The following CLCN3 variants were observed in gnomAD, a reference collection of about 807,000 sequenced individuals.
CLCN3 encodes the protein Cl-/H+ antiporter 3.
CLCN3 carries 16 observed loss-of-function variants against 83.4 expected under a neutral mutation model. That is an observed-to-expected ratio of 0.19 (90% CI 0.13 to 0.29). The LOEUF (loss-of-function observed/expected upper bound fraction) is 0.29, where lower values mean the gene tolerates loss of function less well. CLCN3 is among the 10% of genes least tolerant of loss of function. The probability of loss-of-function intolerance (pLI) is 1.00; values close to 1 mark genes in which losing one functional copy is unlikely to be tolerated. For missense variants in CLCN3, 544 were observed against 1,006.0 expected, an observed-to-expected ratio of 0.54 and a Z score of 6.21; for synonymous variants, 322 against 346.2, an observed-to-expected ratio of 0.93 and a Z score of 0.78.
At chr4:169,676,927 C>T (rs1246558871) in intron 2 of CLCN3, among the ~76,000 whole-genome samples, 1 of 151,906 alleles carries the variant, frequency 6.6e-6, no homozygotes, top group Admixed American at 6.6e-5. Context: ...CATTGTGAAA[C>T]CATAGCCTAA....
intron 9 of CLCN3, among the ~76,000 whole-genome samples, chr4:169,698,850 A>G (rs1283422436): frequency 1.3e-5 from 2 of 152,132 alleles, no homozygotes; most frequent in East Asian, 3.9e-4. Flanking sequence ...TTTTCTGGCT[A>G]TTAAAAGCTG....
chr4:169,646,764 A>G (rs1560834023), intron 2 of CLCN3, among the ~76,000 whole-genome samples: 2 of 152,204 alleles, frequency 1.3e-5, no homozygotes, highest in African/African-American at 4.8e-5. Flanking sequence ...GGAAATAGGG[A>G]TAGAATAGAA....
Position 169,722,552 on chromosome 4 carries a change from A to C in CLCN3, c.*2555A>C, listed in dbSNP as rs1733673560. 6.6e-6 allele frequency: 1 copy of C among 152,236 alleles called. No homozygotes were observed. The highest frequency in any genetic ancestry group is 6.5e-5 in the Admixed American group (1 of 15,284). 9.4% of individuals were successfully genotyped at this position (152,236 alleles called of 1,614,324 possible). A position where few individuals can be genotyped will look rare whatever the true frequency, so the allele number is the denominator to read the frequency against. ...AATTGTCCTGAGTTAATAGCCTTCA[A>C]AGGACAAATCGGTTTCTTTGCAGAT... On this transcript the variant is annotated 3_prime_UTR_variant, in exon 13 of 13. Coordinates refer to ENST00000513761, the MANE Select transcript of CLCN3 (RefSeq NM_001829.4).
intron 2 of CLCN3, among the ~76,000 whole-genome samples, chr4:169,666,043 T>G (rs1444447804): frequency 6.6e-6 from 1 of 152,044 alleles, no homozygotes; most frequent in Non-Finnish European, 1.5e-5. Flanking sequence ...AAAATTATAT[T>G]TGTATTTTTG....
chr4:169,656,721 C>T (rs1730898300), intron 2 of CLCN3, among the ~76,000 whole-genome samples: 1 of 152,062 alleles, frequency 6.6e-6, no homozygotes, highest in African/African-American at 2.4e-5. Flanking sequence ...TGGCTTGGTG[C>T]AGTGGACAGT....
intron 2 of CLCN3, among the ~76,000 whole-genome samples, chr4:169,641,176 G>A (rs1258285382): frequency 6.6e-6 from 1 of 152,148 alleles, no homozygotes. Context: ...GATTGCTTGA[G>A]CCCAGGTATT....
intron 9 of CLCN3, among the ~76,000 whole-genome samples, chr4:169,699,164 A>G (rs1732683667): frequency 6.6e-6 from 1 of 152,224 alleles, no homozygotes; most frequent in Admixed American, 6.5e-5. Context: ...ATTCTGCCTC[A>G]TACCAGTATA....
chr4:169,713,455 CA>C (rs1401024201), intron 12 of CLCN3, among the ~76,000 whole-genome samples, 160 bp downstream of exon 12: 2 of 152,164 alleles, frequency 1.3e-5, no homozygotes, highest in Non-Finnish European at 2.9e-5. Context: ...TCAAATTTCA[CA>C]TTTACTAAGG....
intron 10 of CLCN3, among the ~76,000 whole-genome samples, chr4:169,705,443 T>G (rs988470862): frequency 6.6e-6 from 1 of 152,238 alleles, no homozygotes; most frequent in Non-Finnish European, 1.5e-5. Context: ...ATTTTTAGTT[T>G]GATGACTTTG....
At chr4:169,689,254 T>G in intron 5 of CLCN3, 24 bp downstream of exon 5, 1 of 1,582,680 alleles carries the variant, frequency 6.3e-7, no homozygotes, top group Non-Finnish European at 8.6e-7. Context: ...TGTCTCAAGA[T>G]GAATTAATAA....
At chr4:169,629,949 G>A (rs1303499305) in intron 1 of CLCN3, among the ~76,000 whole-genome samples, 4 of 152,042 alleles carry the variant, frequency 2.6e-5, no homozygotes, top group African/African-American at 7.2e-5. Context: ...CATTTTTAGT[G>A]GGGACAATAA....
At chr4:169,674,708 A>G (rs1366485623) in intron 2 of CLCN3, among the ~76,000 whole-genome samples, 2 of 152,052 alleles carry the variant, frequency 1.3e-5, no homozygotes, top group African/African-American at 4.8e-5. Flanking sequence ...AAAACACTGA[A>G]ATCAGTGTGC....
At chr4:169,693,955 T>C (rs1028019005) in intron 7 of CLCN3, among the ~76,000 whole-genome samples, 5 of 151,902 alleles carry the variant, frequency 3.3e-5, no homozygotes, top group Non-Finnish European at 5.9e-5. Context: ...GGGAGAGCGT[T>C]GATATTTTTA....
chr4:169,660,149 G>C, intron 2 of CLCN3: 3 of 1,120,124 alleles, frequency 2.7e-6, no homozygotes, highest in Non-Finnish European at 3.3e-6. Context: ...AGCCTTGCTA[G>C]ATTGTAGCCA....
At chr4:169,667,268 A>G (rs532079148) in intron 2 of CLCN3, among the ~76,000 whole-genome samples, 1 of 152,186 alleles carries the variant, frequency 6.6e-6, no homozygotes, top group South Asian at 2.1e-4. Flanking sequence ...CTCACTAGAA[A>G]AAATATTTCT....
rs1322046061 is a variant in CLCN3, at chr4:169,697,624, G to A, written c.1453G>A (p.Asp485Asn). 3.7e-6 allele frequency: 6 copies of A among 1,613,938 alleles called. No homozygotes were observed. The highest frequency in any genetic ancestry group is 5.1e-6 in the Non-Finnish European group (6 of 1,179,942). ...RNDMNASKIVDDIPDRPAGIG... is the reference protein window; with the variant it reads ...RNDMNASKIVNDIPDRPAGIG... Reference sequence around the variant, plus strand: ...TGACATGAATGCCAGTAAAATTGTCGATGACATTCCTGATCGTCCAGCAGG... The same window carrying A: ...TGACATGAATGCCAGTAAAATTGTCAATGACATTCCTGATCGTCCAGCAGG... Residue 485 changes from aspartate (D) to asparagine (N), a missense_variant, in exon 9 of 13, where the codon GAT becomes AAT. Physicochemically the swap from Asp to Asn is conservative, Grantham distance 23. This residue lies in a region of CLCN3 where 194 missense variants were observed against 341.4 expected (regional missense o/e 0.57). Transcript: ENST00000513761.
At chr4:169,676,514 T>G (rs1288333616) in intron 2 of CLCN3, among the ~76,000 whole-genome samples, 1 of 104,474 alleles carries the variant, frequency 9.6e-6, no homozygotes, top group African/African-American at 2.7e-5. Flanking sequence ...TTTCTTTTCT[T>G]TTTTTTTTTG....
At chr4:169,698,245 A>G (rs886218964) in intron 9 of CLCN3, among the ~76,000 whole-genome samples, 5 of 152,210 alleles carry the variant, frequency 3.3e-5, no homozygotes, top group African/African-American at 1.2e-4. Flanking sequence ...CAAACAATCC[A>G]ATTACACTCT....
rs1274399080 is a variant in CLCN3, at chr4:169,722,585, T to C, written c.*2588T>C. On this transcript the variant is annotated 3_prime_UTR_variant, in exon 13 of 13. Coordinates refer to ENST00000513761, the MANE Select transcript of CLCN3 (RefSeq NM_001829.4). Reference sequence around the variant, plus strand: ...ATCGGTTTCTTTGCAGATAGCTTCGTAAAACTTCACATGGAGTTTATTTTA... The same window carrying C: ...ATCGGTTTCTTTGCAGATAGCTTCGCAAAACTTCACATGGAGTTTATTTTA... 1 of 152,276 alleles carries C rather than the reference T, an allele frequency of 6.6e-6. No homozygotes were observed. Among genetic ancestry groups the C allele is most frequent in the African/African-American group, 2.4e-5 (1 of 41,472 alleles). The allele number at this position is 152,276 out of a possible 1,614,324, so 9.4% of individuals were successfully genotyped here. A position where few individuals can be genotyped will look rare whatever the true frequency, so the allele number is the denominator to read the frequency against.
Sources: allele counts gnomAD v4.1 joint callset (sites outside exome capture counted in the v4.1 genomes callset), GRCh38; gene constraint gnomAD v4.1.1; regional missense constraint gnomAD v4.1.1; transcripts MANE v1.5; gene names NCBI Gene and HGNC (gene_info 2026-07-23, HGNC 2026-07-21).